NBAS: variants seen among roughly 807,000 people sequenced by gnomAD.
The protein encoded by NBAS is NBAS subunit of NRZ tethering complex.
NBAS carries 219 observed loss-of-function variants against 302.5 expected under a neutral mutation model. The ratio of observed to expected loss-of-function variants is 0.72; its 90% confidence interval spans 0.65 to 0.81. NBAS has a LOEUF of 0.81. NBAS is among the 30% of genes least tolerant of loss of function. The pLI is 0.00. For missense variants in NBAS, 2,932 were observed against 2,841.6 expected (o/e 1.03, Z -0.72); for synonymous variants, 1,118 against 1,021.6 (o/e 1.09, Z -1.80).
the NBAS span, among the ~76,000 whole-genome samples, chr2:14,845,236 T>C: frequency 6.6e-6 from 1 of 152,008 alleles, no homozygotes; most frequent in Non-Finnish European, 1.5e-5. Flanking sequence ...CTGGAAAAGG[T>C]AAAAGAAAAG....
chr2:15,264,345 A>G (rs960166293), intron 44 of NBAS, among the ~76,000 whole-genome samples: 6 of 152,086 alleles, frequency 3.9e-5, no homozygotes, highest in Admixed American at 1.3e-4. Flanking sequence ...CAGGAAGGAG[A>G]GTGTATTCCT....
chr2:14,865,239 C>T, the NBAS span, among the ~76,000 whole-genome samples: 1 of 151,994 alleles, frequency 6.6e-6, no homozygotes, highest in Non-Finnish European at 1.5e-5. Flanking sequence ...TTCCCCATCA[C>T]CTCCTATAAC....
chr2:14,867,212 T>A, the NBAS span, among the ~76,000 whole-genome samples: 7 of 151,988 alleles, frequency 4.6e-5, no homozygotes, highest in African/African-American at 1.7e-4. Context: ...GGTCCAGGAG[T>A]CAATAAAATC....
Position 15,383,144 on chromosome 2 carries a change from C to A in NBAS, c.3360+71G>T. 4.6e-6 allele frequency: 6 copies of A among 1,306,964 alleles called. No individual in the cohort carries two copies. In the Middle Eastern group the frequency reaches 7.1e-4, roughly 156 times the overall value. The allele number at this position is 1,306,964 out of a possible 1,614,324, so 81.0% of individuals were successfully genotyped here. A position where few individuals can be genotyped will look rare whatever the true frequency, so the allele number is the denominator to read the frequency against. ...TCCAGGGTAGCTTATGGTCATCAAT[C>A]TTGTATCCAATAAACCATAACAATT... On this transcript the variant is annotated intron_variant, in intron 29 of 51. Coordinates refer to ENST00000281513, the MANE Select transcript of NBAS (RefSeq NM_015909.4).
chr2:14,995,278 TC>T, the NBAS span, among the ~76,000 whole-genome samples: 812 of 152,284 alleles, frequency 5.3e-3, 6 homozygotes, highest in South Asian at 0.019. Context: ...TTCTCATTGT[TC>T]AATTCCCACC....
At chr2:14,801,257 A>AT in the NBAS span, among the ~76,000 whole-genome samples, 721 of 151,952 alleles carry the variant, frequency 4.7e-3, 11 homozygotes, top group South Asian at 0.036. Flanking sequence ...TATTTTTCTG[A>AT]TTTTTTTCTC....
the NBAS span, among the ~76,000 whole-genome samples, chr2:14,808,745 T>C: frequency 6.6e-6 from 1 of 152,206 alleles, no homozygotes; most frequent in Non-Finnish European, 1.5e-5. Context: ...TGGAAATGGA[T>C]AACAAGTAGA....
chr2:15,082,409 G>T, the NBAS span, among the ~76,000 whole-genome samples: 6 of 152,148 alleles, frequency 3.9e-5, no homozygotes, highest in Admixed American at 6.5e-5. Flanking sequence ...AACATCACTT[G>T]CTCATTTCAT....
intron 38 of NBAS, 40 bp downstream of exon 38, chr2:15,327,710 G>C (rs1373412207): frequency 3.7e-6 from 6 of 1,612,330 alleles, no homozygotes; most frequent in South Asian, 2.2e-5. Context: ...TGTTCACCTA[G>C]AGTTACACAC....
chr2:15,174,042 C>A (rs568573245), intron 51 of NBAS, among the ~76,000 whole-genome samples: 6 of 152,312 alleles, frequency 3.9e-5, no homozygotes, highest in Middle Eastern at 3.4e-3. Context: ...GTTTAGGAAT[C>A]CCAGGCTGAC....
At chr2:15,451,280 C>G (rs551676913) in intron 21 of NBAS, among the ~76,000 whole-genome samples, 7 of 152,132 alleles carry the variant, frequency 4.6e-5, no homozygotes, top group African/African-American at 1.7e-4. Context: ...CAAATACCTA[C>G]CCCCCAGCTA....
intron 42 of NBAS, among the ~76,000 whole-genome samples, chr2:15,281,711 G>A (rs1232078742): frequency 1.3e-5 from 2 of 152,142 alleles, no homozygotes; most frequent in Admixed American, 1.3e-4. Context: ...AGGTCACAGA[G>A]CCAGAGCCTG....
chr2:15,198,002 T>C (rs907114918), intron 48 of NBAS, among the ~76,000 whole-genome samples: 1 of 152,204 alleles, frequency 6.6e-6, no homozygotes, highest in African/African-American at 2.4e-5. Flanking sequence ...ACATTGGCAG[T>C]CTGGACAAAT....
chr2:14,896,157 T>C, the NBAS span, among the ~76,000 whole-genome samples: 1 of 151,966 alleles, frequency 6.6e-6, no homozygotes, highest in Non-Finnish European at 1.5e-5. Flanking sequence ...AATCGGCCCC[T>C]ATTTCTCAAT....
At chr2:15,318,158 A>G (rs903027575) in intron 38 of NBAS, among the ~76,000 whole-genome samples, 1 of 152,220 alleles carries the variant, frequency 6.6e-6, no homozygotes, top group Non-Finnish European at 1.5e-5. Flanking sequence ...AAGCTTCATA[A>G]GGGAAGGAGA....
rs1284280859 is a variant in NBAS at position 15,327,764 on chromosome 2, A to C, written c.4568T>G (p.Phe1523Cys). ...TTCTCTCTTACCTTCAGTTGTTGGA[A>C]ATACTTCTCCTTTATTTTTAGCCTC... ...LAEAKNKGEV[F>C]PTTEVLLQLA... Residue 1523 changes from phenylalanine (F) to cysteine (C), a missense_variant, in exon 38 of 52, where the codon TTT becomes TGT. Transcript: ENST00000281513. 1 of 1,613,552 alleles carries C rather than the reference A, an allele frequency of 6.2e-7. No individual in the cohort carries two copies. The highest frequency in any genetic ancestry group is 8.5e-7 in the Non-Finnish European group (1 of 1,179,712).
rs188766887 is a variant in NBAS at position 15,473,825 on chromosome 2, C to T, written c.1599+242G>A. Among the ~76,000 whole-genome samples the T allele has an allele frequency of 2.6e-5, 4 of 152,286 alleles. No homozygotes were observed. The East Asian group carries it at 7.7e-4, about 29-fold the overall frequency. The stretch of plus-strand genomic sequence containing the variant: ...ACATGAAGGGTAGCAAAGAAATGAG[C>T]TAAGCCACCAAGTGGATAATCAGTC... On this transcript the variant is annotated intron_variant, in intron 15 of 51. Transcript: ENST00000281513.
intron 21 of NBAS, among the ~76,000 whole-genome samples, chr2:15,437,307 T>G (rs1178086622): frequency 6.6e-6 from 1 of 152,106 alleles, no homozygotes; most frequent in South Asian, 2.1e-4. Flanking sequence ...ACAGAGAGTC[T>G]CCATCTCTTG....
At chr2:15,055,691 G>A in the NBAS span, among the ~76,000 whole-genome samples, 2 of 152,210 alleles carry the variant, frequency 1.3e-5, no homozygotes, top group East Asian at 3.9e-4. Flanking sequence ...CTATGGCAAG[G>A]ATGGGAGGTT....
Sources: gnomAD v4.1 joint callset for allele counts (sites outside exome capture counted in the v4.1 genomes callset) on GRCh38, gnomAD v4.1.1 for gene constraint, MANE v1.5 for transcripts, NCBI Gene and HGNC (gene_info 2026-07-23, HGNC 2026-07-21) for gene names.